Variants in OTOGL observed in about 807,000 individuals in gnomAD.
The protein encoded by OTOGL is otogelin like.
Under a neutral mutation model 318.5 loss-of-function variants are expected in OTOGL, and 285 were observed. The ratio of observed to expected loss-of-function variants is 0.89; its 90% CI spans 0.81 to 0.99. The LOEUF is 0.99. OTOGL is among the 50% of genes least tolerant of loss of function. OTOGL has a pLI of 0.00. For missense variants in OTOGL, 2,899 were observed against 2,845.6 expected, an observed-to-expected ratio of 1.02 and a Z score of -0.43; for synonymous variants, 987 against 936.5, an observed-to-expected ratio of 1.05 and a Z score of -0.99.
At chr12:80,376,178 C>T (rs1891167281) in intron 57 of OTOGL, among the ~76,000 whole-genome samples, 2 of 152,034 alleles carry the variant, frequency 1.3e-5, no homozygotes, top group Non-Finnish European at 1.5e-5. Flanking sequence ...CATGAGTGAC[C>T]TTGAGGACAG....
chr12:80,135,246 GCCCCTCCCCTCCCCT>G lies in OTOGL; in HGVS notation c.-20+35662_-20+35676del, dbSNP rs1330253864. On this transcript the variant is annotated intron_variant, in intron 1 of 58. Transcript: ENST00000547103. ...CTCTGGGTCATTTTTTATTTCTTGA[GCCCCTCCCCTCCCCT>G]CCCCTCCCCTCCCCTCCCCTTCCCT... Among the ~76,000 whole-genome samples the G allele has an allele frequency of 2.2e-4, 14 of 62,486 alleles. No individual in the cohort carries two copies. In the South Asian group the frequency reaches 3.0e-3, roughly 13 times the overall value. 41.0% of individuals were successfully genotyped at this position (62,486 alleles called of 152,430 possible). A position where few individuals can be genotyped will look rare whatever the true frequency, so the allele number is the denominator to read the frequency against.
At chr12:80,138,029 TTA>T (rs1871688104) in intron 1 of OTOGL, among the ~76,000 whole-genome samples, 2 of 152,180 alleles carry the variant, frequency 1.3e-5, no homozygotes, top group Non-Finnish European at 2.9e-5. Flanking sequence ...GTATTATGGT[TTA>T]TAAATAAATC....
intron 37 of OTOGL, 126 bp downstream of exon 37, chr12:80,329,245 G>A: frequency 1.4e-6 from 1 of 717,356 alleles, no homozygotes; most frequent in Non-Finnish European, 2.1e-6. Flanking sequence ...AAACCCAGCA[G>A]TCACTTTTGC....
chr12:80,155,603 T>C (rs1315609802), intron 1 of OTOGL, among the ~76,000 whole-genome samples: 1 of 152,242 alleles, frequency 6.6e-6, no homozygotes, highest in Admixed American at 6.5e-5. Context: ...CAAACACTTA[T>C]CCTTTGTGTT....
intron 1 of OTOGL, among the ~76,000 whole-genome samples, chr12:80,205,531 C>G (rs1876754462): frequency 6.6e-6 from 1 of 152,114 alleles, no homozygotes; most frequent in Non-Finnish European, 1.5e-5. Context: ...CAGAAACTGC[C>G]AAGCAACACA....
intron 26 of OTOGL, 83 bp from the exon 27 acceptor site, chr12:80,296,744 T>C: frequency 1.9e-6 from 2 of 1,064,882 alleles, no homozygotes; most frequent in Non-Finnish European, 2.5e-6. Context: ...CCATTGTCAA[T>C]ATTTAAGATT....
intron 26 of OTOGL, among the ~76,000 whole-genome samples, chr12:80,289,886 C>A (rs1158092870): frequency 6.6e-6 from 1 of 152,114 alleles, no homozygotes; most frequent in Non-Finnish European, 1.5e-5. Context: ...GCTTCAACCC[C>A]CTTTCCAGAG....
intron 11 of OTOGL, among the ~76,000 whole-genome samples, chr12:80,249,503 G>T (rs1273321072): frequency 6.6e-6 from 1 of 151,740 alleles, no homozygotes; most frequent in African/African-American, 2.4e-5. Flanking sequence ...GGACCCACTT[G>T]AGGAGGCAGT....
chr12:80,148,440 C>T (rs1872553530), intron 1 of OTOGL, among the ~76,000 whole-genome samples: 1 of 149,608 alleles, frequency 6.7e-6, no homozygotes, highest in African/African-American at 2.5e-5. Flanking sequence ...GTCTGATGGG[C>T]TTCCCTTTGA....
chr12:80,128,360 T>A (rs1464513215), intron 1 of OTOGL, among the ~76,000 whole-genome samples: 4 of 152,184 alleles, frequency 2.6e-5, no homozygotes, highest in African/African-American at 7.2e-5. Flanking sequence ...CAGTGGATAT[T>A]GGTGAACAGC....
chr12:80,169,564 T>C (rs1874048971), intron 1 of OTOGL, among the ~76,000 whole-genome samples: 1 of 152,210 alleles, frequency 6.6e-6, no homozygotes, highest in Non-Finnish European at 1.5e-5. Context: ...TTTTTTTTGC[T>C]ATGCAGTTTT....
At chr12:80,225,096 A>G (rs1878707381) in intron 7 of OTOGL, among the ~76,000 whole-genome samples, 1 of 152,082 alleles carries the variant, frequency 6.6e-6, no homozygotes, top group Non-Finnish European at 1.5e-5. Context: ...TAAAGTAAAA[A>G]AAAAGAAATG....
At chr12:80,136,861 A>G (rs908049917) in intron 1 of OTOGL, among the ~76,000 whole-genome samples, 1 of 151,508 alleles carries the variant, frequency 6.6e-6, no homozygotes, top group African/African-American at 2.4e-5. Context: ...TTTATTTCTT[A>G]TTTTTCAGTG....
chr12:80,363,361 G>A (rs1248584353), intron 52 of OTOGL, among the ~76,000 whole-genome samples: 1 of 152,096 alleles, frequency 6.6e-6, no homozygotes, highest in Non-Finnish European at 1.5e-5. Flanking sequence ...GTTTCTATTT[G>A]TGCATAGCAG....
intron 55 of OTOGL, 97 bp downstream of exon 55, chr12:80,368,406 G>T: frequency 2.8e-6 from 2 of 715,016 alleles, no homozygotes. Context: ...ACACTGCACT[G>T]CATACAATAA....
At chr12:80,254,676 C>T in intron 15 of OTOGL, 106 bp downstream of exon 15, 2 of 874,338 alleles carry the variant, frequency 2.3e-6, no homozygotes, top group Non-Finnish European at 3.4e-6. Flanking sequence ...CCAAGGGCTA[C>T]AATAATCTGT....
At chr12:80,209,578 T>TTGTAAG in intron 2 of OTOGL, 68 bp downstream of exon 2, 1 of 1,093,160 alleles carries the variant, frequency 9.1e-7, no homozygotes, top group Non-Finnish European at 1.3e-6. Context: ...TTTATACAAA[T>TTGTAAG]AGTTTTCCCT....
At chr12:80,217,447 G>A in intron 4 of OTOGL, 151 bp from the exon 5 acceptor site, 1 of 620,592 alleles carries the variant, frequency 1.6e-6, no homozygotes, top group Middle Eastern at 4.3e-4. Flanking sequence ...TCTGCCTCAT[G>A]GAGATGATAA....
rs1216728297 is a variant in OTOGL, at chr12:80,266,533, G to A, written c.2307G>A (p.Glu769=). The stretch of plus-strand genomic sequence containing the variant: ...CCTGCATTTCTCTCTCTTCCCCGGA[G>A]CAGTGCAGTGATGACTGTGCTGAAG... ...LHSCISLSSP[E]QCSDDCAEGC... The change falls in exon 21 of 59, where the codon GAG becomes GAA. Residue 769 remains glutamate (E), a synonymous_variant. Transcript: ENST00000547103. 3 of 1,613,476 alleles carry A rather than the reference G, an allele frequency of 1.9e-6. No individual in the cohort carries two copies. Among genetic ancestry groups the A allele is most frequent in the Non-Finnish European group, 2.5e-6 (3 of 1,179,658 alleles).
Sources: allele counts gnomAD v4.1 joint callset (sites outside exome capture counted in the v4.1 genomes callset), GRCh38; gene constraint gnomAD v4.1.1; transcripts MANE v1.5; gene names NCBI Gene and HGNC (gene_info 2026-07-23, HGNC 2026-07-21).